PCDHGA4: variants seen among roughly 807,000 people sequenced by gnomAD.
PCDHGA4 encodes the protein protocadherin gamma subfamily A, 4, also known as protocadherin gamma-A4.
In PCDHGA4, 38 loss-of-function variants were observed where a neutral mutation model predicts 54.6. The observed-to-expected ratio is 0.70, with a 90% CI of 0.54 to 0.91. PCDHGA4 has a LOEUF of 0.91. Ranked by LOEUF, PCDHGA4 falls within the 40% of genes least tolerant of loss-of-function variation. The pLI, the probability that PCDHGA4 is intolerant of heterozygous loss-of-function variation, is 0.00. For synonymous variants in PCDHGA4, 511 were observed against 512.9 expected (o/e 1.00, Z 0.05); for missense variants, 1,298 against 1,220.9 (o/e 1.06, Z -0.94).
intron 1 of PCDHGA4, chr5:141,366,288 C>T (rs1020562585): frequency 6.2e-7 from 1 of 1,613,748 alleles, no homozygotes; most frequent in Non-Finnish European, 8.5e-7. Flanking sequence ...GGCCAGCCCC[C>T]TCTGTCAGCC....
intron 1 of PCDHGA4, chr5:141,384,575 C>T (rs754018989): frequency 8.7e-6 from 14 of 1,614,258 alleles, no homozygotes; most frequent in South Asian, 2.2e-5. Flanking sequence ...AATGACAACC[C>T]GCCCGAGATC....
chr5:141,450,815 A>AT (rs1554136868), intron 1 of PCDHGA4, among the ~76,000 whole-genome samples: 4,329 of 126,688 alleles, frequency 0.034, 70 homozygotes, highest in Middle Eastern at 0.091. Flanking sequence ...TATTTATTTA[A>AT]TATTATTATT....
intron 1 of PCDHGA4, chr5:141,430,824 C>T: frequency 6.5e-7 from 1 of 1,547,704 alleles, no homozygotes; most frequent in Non-Finnish European, 8.7e-7. Flanking sequence ...CTCCTGGGGA[C>T]TCTGTGGGAG....
chr5:141,486,091 G>A lies in PCDHGA4; in HGVS notation c.2515-8716G>A, dbSNP rs2099624256. On this transcript the variant is annotated intron_variant, in intron 1 of 3. Coordinates refer to ENST00000571252, the MANE Select transcript of PCDHGA4 (RefSeq NM_018917.4). This position sits in a 1 kb window ranked among gnomAD's most constrained non-coding sequence, Gnocchi z 5.0. ...CTACTGGAAAGCTTACTCTTTTGGGGCCCCTAGACTTTGAGAGTGAGAATT... is the reference window on the plus strand; with the variant it reads ...CTACTGGAAAGCTTACTCTTTTGGGACCCCTAGACTTTGAGAGTGAGAATT... 2 of 1,614,158 alleles carry A rather than the reference G, an allele frequency of 1.2e-6. No homozygotes were observed. Among genetic ancestry groups the A allele is most frequent in the Non-Finnish European group, 1.7e-6 (2 of 1,180,024 alleles).
intron 1 of PCDHGA4, among the ~76,000 whole-genome samples, chr5:141,425,555 A>T (rs1282440598): frequency 6.6e-6 from 1 of 152,270 alleles, no homozygotes; most frequent in African/African-American, 2.4e-5. Flanking sequence ...AACCTCTTTT[A>T]TAAGTGATAA....
intron 1 of PCDHGA4, chr5:141,399,009 C>T (rs759328384): frequency 8.1e-6 from 13 of 1,613,694 alleles, no homozygotes; most frequent in African/African-American, 1.3e-5. Context: ...ATTCAAAGAG[C>T]GGAGAAATTA....
chr5:141,410,414 G>A lies in PCDHGA4; in HGVS notation c.2514+52793G>A, dbSNP rs201698858. On this transcript the variant is annotated intron_variant, in intron 1 of 3. Coordinates refer to ENST00000571252, the MANE Select transcript of PCDHGA4 (RefSeq NM_018917.4). ...TGGTCTCTGTGTCAAGTCTGGACCT[G>A]TAGTTCCCCCCAACTACAGTGAGGG... 2.0e-4 allele frequency: 326 copies of A among 1,613,916 alleles called. 1 individual carries two copies. The highest frequency in any genetic ancestry group is 2.7e-4 in the Non-Finnish European group (315 of 1,179,910).
chr5:141,398,568 G>C, intron 1 of PCDHGA4: 1 of 1,614,014 alleles, frequency 6.2e-7, no homozygotes, highest in African/African-American at 1.3e-5. Context: ...AGTCTGCACA[G>C]CCTGGCACAA....
At chr5:141,375,504 T>G in intron 1 of PCDHGA4, 2 of 1,614,004 alleles carry the variant, frequency 1.2e-6, no homozygotes, top group Non-Finnish European at 1.7e-6. Flanking sequence ...ATCTTCTCTG[T>G]GAATGCACTG....
rs180741728 is a variant in PCDHGA4 at position 141,505,088 on chromosome 5, G to A, written c.2574-305G>A. Among the ~76,000 whole-genome samples the A allele has an allele frequency of 3.7e-3, 563 of 152,300 alleles. 5 individuals carry two copies. Among genetic ancestry groups the A allele is most frequent in the Admixed American group, 0.011 (163 of 15,294 alleles). On this transcript the variant is annotated intron_variant, in intron 2 of 3. Coordinates refer to ENST00000571252, the MANE Select transcript of PCDHGA4 (RefSeq NM_018917.4). ...GAGGCAGGAGAATCGCTTGAACCCA[G>A]GAGGTGGATGTTGCAATGAGCCAAG...
At chr5:141,395,560 G>T (rs868147032) in intron 1 of PCDHGA4, 1 of 206,840 alleles carries the variant, frequency 4.8e-6, no homozygotes, top group South Asian at 1.4e-4. Context: ...GTGTGTGTGT[G>T]TGTGTGTGTG....
chr5:141,359,661 A>C (rs545644019), intron 1 of PCDHGA4, among the ~76,000 whole-genome samples: 22 of 152,200 alleles, frequency 1.4e-4, no homozygotes, highest in African/African-American at 4.6e-4. Flanking sequence ...GAATATTTAT[A>C]AAAATCCGTT....
intron 1 of PCDHGA4, among the ~76,000 whole-genome samples, chr5:141,457,274 C>T (rs1307741345): frequency 1.3e-5 from 2 of 152,200 alleles, no homozygotes; most frequent in Non-Finnish European, 2.9e-5. Context: ...CCTCTGTGGG[C>T]CTACGAAGTT....
At chr5:141,445,207 AAAGT>A (rs1322618652) in intron 1 of PCDHGA4, among the ~76,000 whole-genome samples, 1 of 152,196 alleles carries the variant, frequency 6.6e-6, no homozygotes, top group Non-Finnish European at 1.5e-5. Flanking sequence ...ATGCTTTTGA[AAAGT>A]AAGAGGTGCA....
At chr5:141,453,969 A>T (rs543979166) in intron 1 of PCDHGA4, among the ~76,000 whole-genome samples, 13 of 152,356 alleles carry the variant, frequency 8.5e-5, no homozygotes, top group South Asian at 2.1e-4. Flanking sequence ...CAAAGCATGT[A>T]GTTGTGTTGC....
intron 1 of PCDHGA4, chr5:141,478,776 A>T: frequency 1.3e-6 from 2 of 1,488,808 alleles, no homozygotes; most frequent in Non-Finnish European, 1.8e-6. Context: ...TCATCTGTGG[A>T]CCTAATTCAC....
intron 1 of PCDHGA4, chr5:141,392,278 G>C (rs2092498621): frequency 6.6e-6 from 1 of 152,148 alleles, no homozygotes; most frequent in Non-Finnish European, 1.5e-5. Flanking sequence ...ATAAAGCTTA[G>C]AGCACAATGG....
intron 1 of PCDHGA4, chr5:141,360,991 G>A (rs773432270): frequency 1.9e-6 from 3 of 1,613,428 alleles, no homozygotes; most frequent in Non-Finnish European, 2.5e-6. Flanking sequence ...TAATGTGGAC[G>A]AACAAGTGAA....
chr5:141,430,673 C>A, intron 1 of PCDHGA4: 1 of 1,288,318 alleles, frequency 7.8e-7, no homozygotes, highest in Non-Finnish European at 1.0e-6. Flanking sequence ...TCTGACTTCC[C>A]AACTGTCCCA....
Sources: gnomAD v4.1 joint callset for allele counts (sites outside exome capture counted in the v4.1 genomes callset) on GRCh38, gnomAD v4.1.1 for gene constraint, Gnocchi (gnomAD v3.1) non-coding constraint, MANE v1.5 for transcripts, NCBI Gene and HGNC (gene_info 2026-07-23, HGNC 2026-07-21) for gene names.